The following SNX29 variants were observed in gnomAD, a reference collection of about 807,000 sequenced individuals.
SNX29 encodes the protein sorting nexin-29.
A neutral mutation model predicts 102.1 loss-of-function variants in SNX29; 78 were observed. The ratio of observed to expected loss-of-function variants is 0.76; its 90% CI spans 0.64 to 0.92. The LOEUF (loss-of-function observed/expected upper bound fraction) is 0.92, where lower values mean the gene tolerates loss of function less well. Among genes scored for constraint, SNX29 ranks in the 40% least tolerant of loss-of-function variants. The pLI is 0.00. For missense variants in SNX29, 1,280 were observed against 1,061.7 expected, an observed-to-expected ratio of 1.21 and a Z score of -2.86; for synonymous variants, 580 against 414.5, an observed-to-expected ratio of 1.40 and a Z score of -4.85.
intron 13 of SNX29, among the ~76,000 whole-genome samples, chr16:12,155,304 A>C (rs555937323): frequency 1.3e-5 from 2 of 152,340 alleles, no homozygotes; most frequent in South Asian, 4.1e-4. Flanking sequence ...AAGCTGATAG[A>C]AAAATCCTGT....
intron 18 of SNX29, among the ~76,000 whole-genome samples, chr16:12,412,630 G>A (rs927659289): frequency 2.6e-5 from 4 of 152,212 alleles, no homozygotes; most frequent in African/African-American, 9.6e-5. Flanking sequence ...AGGCTTTGAA[G>A]AAAACTTAGA....
At chr16:12,247,342 A>T (rs1464618714) in intron 14 of SNX29, among the ~76,000 whole-genome samples, 3 of 152,368 alleles carry the variant, frequency 2.0e-5, no homozygotes, top group East Asian at 3.8e-4. Context: ...AAACTCTATT[A>T]TCAGGATATA....
intron 14 of SNX29, among the ~76,000 whole-genome samples, chr16:12,216,554 T>C (rs77888781): frequency 0.022 from 3,323 of 152,304 alleles, 83 homozygotes; most frequent in African/African-American, 0.059. Flanking sequence ...TGCTCCTTCA[T>C]GTCTTCCTAA....
At chr16:12,422,788 C>A (rs2084921884) in intron 18 of SNX29, among the ~76,000 whole-genome samples, 1 of 152,246 alleles carries the variant, frequency 6.6e-6, no homozygotes. Flanking sequence ...CAGCTGCTTC[C>A]TTCAGCCCCC....
chr16:12,113,396 T>C (rs1325619313), intron 11 of SNX29, among the ~76,000 whole-genome samples: 3 of 152,160 alleles, frequency 2.0e-5, no homozygotes, highest in African/African-American at 7.2e-5. Flanking sequence ...TCCTGTGTTC[T>C]GTCTAAGGAT....
chr16:12,113,931 G>A (rs1210247851), intron 11 of SNX29, among the ~76,000 whole-genome samples: 3 of 152,254 alleles, frequency 2.0e-5, no homozygotes, highest in Admixed American at 1.3e-4. Flanking sequence ...TAGAAGATGA[G>A]CTTGTGTAAC....
At chr16:12,057,129 A>T (rs543626825) in intron 8 of SNX29, among the ~76,000 whole-genome samples, 64 of 152,278 alleles carry the variant, frequency 4.2e-4, no homozygotes, top group East Asian at 2.3e-3. Flanking sequence ...GGGGCTTTTT[A>T]AATCACTTTA....
intron 15 of SNX29, among the ~76,000 whole-genome samples, chr16:12,341,031 A>T (rs536377679): frequency 9.9e-5 from 15 of 152,250 alleles, no homozygotes; most frequent in Non-Finnish European, 1.8e-4. Flanking sequence ...CCTTGAAGAG[A>T]CGTGATGATT....
chr16:12,191,516 G>C (rs548548372), intron 13 of SNX29, among the ~76,000 whole-genome samples: 35 of 152,156 alleles, frequency 2.3e-4, no homozygotes, highest in Non-Finnish European at 3.7e-4. Flanking sequence ...ACAGGTGGTA[G>C]CTACTAGCAT....
chr16:12,134,788 C>T (rs1252938447), intron 13 of SNX29, among the ~76,000 whole-genome samples: 1 of 152,332 alleles, frequency 6.6e-6, no homozygotes. Flanking sequence ...TCTGCTTCCT[C>T]CTGGGGCAGA....
chr16:11,984,373 T>TC (rs1567492421), intron 1 of SNX29, among the ~76,000 whole-genome samples: 5 of 5,178 alleles, frequency 9.7e-4, no homozygotes, highest in African/African-American at 2.4e-3. Flanking sequence ...AGACCCTGTC[T>TC]CAAAAAAAAA....
intron 11 of SNX29, among the ~76,000 whole-genome samples, chr16:12,108,353 T>C (rs1293286412): frequency 1.3e-5 from 2 of 152,282 alleles, no homozygotes; most frequent in Middle Eastern, 3.4e-3. Flanking sequence ...GGAGACTCCA[T>C]GATGGTGAGT....
intron 13 of SNX29, among the ~76,000 whole-genome samples, chr16:12,156,562 G>A (rs578088700): frequency 3.0e-4 from 46 of 152,336 alleles, no homozygotes; most frequent in African/African-American, 8.4e-4. Flanking sequence ...CCCAATGAAG[G>A]TGGATATGGG....
intron 14 of SNX29, among the ~76,000 whole-genome samples, chr16:12,200,497 T>C (rs1359611574): frequency 1.3e-5 from 2 of 151,974 alleles, no homozygotes; most frequent in African/African-American, 4.8e-5. Context: ...CTTTTTTTTT[T>C]TTTGAGACAG....
intron 15 of SNX29, among the ~76,000 whole-genome samples, chr16:12,278,328 A>C (rs2151015348): frequency 6.6e-6 from 1 of 152,362 alleles, no homozygotes; most frequent in South Asian, 2.1e-4. Context: ...TTGGAGATGA[A>C]AACAGAGAAT....
chr16:12,331,206 G>A (rs570451337), intron 15 of SNX29, among the ~76,000 whole-genome samples: 2 of 152,160 alleles, frequency 1.3e-5, no homozygotes, highest in Non-Finnish European at 2.9e-5. Flanking sequence ...CCAGGCTGCT[G>A]GGCTTGGCTG....
At chr16:12,567,257 C>A (rs1433881962) in intron 20 of SNX29, among the ~76,000 whole-genome samples, 1 of 152,210 alleles carries the variant, frequency 6.6e-6, no homozygotes, top group Non-Finnish European at 1.5e-5. Context: ...TCCTGTCTTC[C>A]CTTGTAGGGT....
chr16:12,225,249 T>C (rs1371346278), intron 14 of SNX29, among the ~76,000 whole-genome samples: 3 of 152,156 alleles, frequency 2.0e-5, no homozygotes, highest in Non-Finnish European at 2.9e-5. Flanking sequence ...TTTACTTGGC[T>C]CTAGGTGTAT....
intron 10 of SNX29, among the ~76,000 whole-genome samples, chr16:12,078,090 C>T (rs1035872861): frequency 6.6e-6 from 1 of 152,200 alleles, no homozygotes; most frequent in African/African-American, 2.4e-5. Context: ...AAATTATCTC[C>T]ATACGGCACA....
Sources: allele counts gnomAD v4.1 joint callset (sites outside exome capture counted in the v4.1 genomes callset), GRCh38; gene constraint gnomAD v4.1.1; transcripts MANE v1.5; gene names NCBI Gene and HGNC (gene_info 2026-07-23, HGNC 2026-07-21).